ROBO2: variants seen among roughly 807,000 people sequenced by gnomAD.
ROBO2 encodes the protein roundabout guidance receptor 2.
In ROBO2, 53 loss-of-function variants were observed where a neutral mutation model predicts 160.8. That is an observed-to-expected ratio of 0.33 (90% confidence interval 0.26 to 0.41). The LOEUF is 0.41. Ranked by LOEUF, ROBO2 falls within the 10% of genes least tolerant of loss-of-function variation. The pLI is 1.00. For synonymous variants in ROBO2, 664 were observed against 611.7 expected, an observed-to-expected ratio of 1.09 and a Z score of -1.26; for missense variants, 1,577 against 1,722.4, an observed-to-expected ratio of 0.92 and a Z score of 1.49.
chr3:76,771,165 A>T (rs1160966252), intron 2 of ROBO2, among the ~76,000 whole-genome samples: 6 of 151,244 alleles, frequency 4.0e-5, no homozygotes. Flanking sequence ...GTACAATTTG[A>T]GATGTGCTAT....
chr3:77,622,435 A>G lies in ROBO2; in HGVS notation c.3760+3A>G, dbSNP rs747198589. The G allele has an allele frequency of 1.4e-5, 23 of 1,613,856 alleles. No homozygotes were observed. Among genetic ancestry groups the G allele is most frequent in the Admixed American group, 8.3e-5 (5 of 59,980 alleles). On this transcript the variant is annotated splice_donor_region_variant and intron_variant, in intron 23 of 25. Coordinates refer to ENST00000461745, the Ensembl canonical transcript of ROBO2. ...CAATCTAGACAGCTCTGTGACAGGT[A>G]ACGGAACCAATTTAATAGGAAAAAC... is the stretch of plus-strand genomic sequence containing the variant.
At chr3:75,999,727 G>A (rs1234408226) in intron 2 of ROBO2, among the ~76,000 whole-genome samples, 3 of 152,074 alleles carry the variant, frequency 2.0e-5, no homozygotes, top group African/African-American at 7.2e-5. Flanking sequence ...TGTAAGAAAG[G>A]TAAATGATCC....
chr3:77,226,602 C>T (rs2086528181), intron 2 of ROBO2, among the ~76,000 whole-genome samples: 1 of 152,002 alleles, frequency 6.6e-6, no homozygotes, highest in African/African-American at 2.4e-5. Context: ...TGCAGACTGC[C>T]TTGACTTATG....
chr3:77,610,452 C>T (rs2094605614), intron 21 of ROBO2, among the ~76,000 whole-genome samples: 2 of 152,032 alleles, frequency 1.3e-5, no homozygotes, highest in South Asian at 2.1e-4. Flanking sequence ...AACTAATAAT[C>T]TCCCCACAGA....
chr3:76,683,715 G>T (rs2092622635), intron 2 of ROBO2, among the ~76,000 whole-genome samples: 1 of 152,014 alleles, frequency 6.6e-6, no homozygotes. Flanking sequence ...CAATTTAAGT[G>T]AACATTTCCA....
At chr3:75,979,415 A>G (rs1167744531) in intron 2 of ROBO2, among the ~76,000 whole-genome samples, 1 of 151,526 alleles carries the variant, frequency 6.6e-6, no homozygotes, top group Non-Finnish European at 1.5e-5. Context: ...AGTAGGCAGG[A>G]GAGAATAGGA....
intron 2 of ROBO2, among the ~76,000 whole-genome samples, chr3:76,277,104 G>A (rs962367561): frequency 5.3e-5 from 8 of 151,974 alleles, no homozygotes; most frequent in Admixed American, 3.9e-4. Context: ...TGGACAATCT[G>A]TGGTTGTTTG....
At chr3:76,838,321 G>A (rs1249418495) in intron 2 of ROBO2, among the ~76,000 whole-genome samples, 1 of 151,924 alleles carries the variant, frequency 6.6e-6, no homozygotes, top group East Asian at 1.9e-4. Context: ...TCAGTATAAC[G>A]AACCCACAGA....
intron 2 of ROBO2, among the ~76,000 whole-genome samples, chr3:76,090,372 C>G (rs892516349): frequency 8.6e-5 from 13 of 151,840 alleles, no homozygotes; most frequent in Admixed American, 3.9e-4. Flanking sequence ...AGAATAGATC[C>G]GGGAGATCAT....
chr3:77,017,376 T>C (rs1415596660), intron 2 of ROBO2, among the ~76,000 whole-genome samples: 1 of 152,184 alleles, frequency 6.6e-6, no homozygotes, highest in African/African-American at 2.4e-5. Flanking sequence ...ATTGATTTGT[T>C]AAAAGATTAT....
intron 2 of ROBO2, among the ~76,000 whole-genome samples, chr3:75,949,511 T>G (rs1948455114): frequency 6.6e-6 from 1 of 152,104 alleles, no homozygotes; most frequent in Non-Finnish European, 1.5e-5. Flanking sequence ...ACTTTTGCCT[T>G]TACATGGATT....
intron 2 of ROBO2, among the ~76,000 whole-genome samples, chr3:76,143,229 A>G (rs1405643578): frequency 6.6e-6 from 1 of 151,916 alleles, no homozygotes; most frequent in African/African-American, 2.4e-5. Flanking sequence ...CAGAGTCTCA[A>G]TAGGTTGCCC....
intron 2 of ROBO2, among the ~76,000 whole-genome samples, chr3:76,344,223 G>A (rs1367053383): frequency 6.6e-6 from 1 of 152,114 alleles, no homozygotes; most frequent in African/African-American, 2.4e-5. Context: ...TAGACTGATA[G>A]CCTGGATTAC....
intron 2 of ROBO2, among the ~76,000 whole-genome samples, chr3:76,009,172 G>A (rs556115268): frequency 3.9e-5 from 6 of 152,092 alleles, no homozygotes; most frequent in African/African-American, 1.2e-4. Context: ...GCGCGATCTC[G>A]GCTCACTGCA....
chr3:76,731,609 G>C (rs1323939741), intron 2 of ROBO2, among the ~76,000 whole-genome samples: 1 of 152,108 alleles, frequency 6.6e-6, no homozygotes, highest in Non-Finnish European at 1.5e-5. Context: ...ACAGAATAGT[G>C]ACTCTGTTAC....
intron 2 of ROBO2, among the ~76,000 whole-genome samples, chr3:76,897,730 T>A (rs1577332844): frequency 6.6e-6 from 1 of 151,178 alleles, no homozygotes; most frequent in Non-Finnish European, 1.5e-5. Flanking sequence ...TTTTTTGAAA[T>A]TTTTTTAGAG....
chr3:76,084,458 T>G (rs2068939779), intron 2 of ROBO2, among the ~76,000 whole-genome samples: 1 of 152,132 alleles, frequency 6.6e-6, no homozygotes, highest in African/African-American at 2.4e-5. Context: ...TACTACTGTT[T>G]TACAGATAAG....
intron 2 of ROBO2, among the ~76,000 whole-genome samples, chr3:76,677,958 CTTTTTTTTTTTT>C (rs1169307424): frequency 0.018 from 537 of 29,394 alleles, 11 homozygotes; most frequent in Middle Eastern, 0.071. Flanking sequence ...AGAAAATATG[CTTTTTTTTTTTT>C]TTTTTTTTTT....
chr3:76,923,278 C>T (rs1466188962), intron 2 of ROBO2, among the ~76,000 whole-genome samples: 1 of 152,204 alleles, frequency 6.6e-6, no homozygotes, highest in East Asian at 1.9e-4. Flanking sequence ...CGTTATCATC[C>T]TTTCTAAAAA....
Sources: allele counts gnomAD v4.1 joint callset (sites outside exome capture counted in the v4.1 genomes callset), GRCh38; gene constraint gnomAD v4.1.1; transcripts MANE v1.5; gene names NCBI Gene and HGNC (gene_info 2026-07-23, HGNC 2026-07-21).